COX7B2: variants seen among roughly 807,000 people sequenced by gnomAD.
The protein encoded by COX7B2 is cytochrome c oxidase subunit 7B2, mitochondrial.
For synonymous variants in COX7B2, 37 were observed against 32.1 expected (o/e 1.15, Z -0.51); for missense variants, 109 against 95.9 (o/e 1.14, Z -0.57).
intron 2 of COX7B2, among the ~76,000 whole-genome samples, chr4:46,758,892 A>G (rs1715960698): frequency 6.6e-6 from 1 of 152,178 alleles, no homozygotes. Flanking sequence ...GGCAAAGGGT[A>G]GACCATAAAT....
At chr4:46,769,161 T>C (rs1716727057) in intron 2 of COX7B2, among the ~76,000 whole-genome samples, 1 of 152,038 alleles carries the variant, frequency 6.6e-6, no homozygotes, top group Admixed American at 6.6e-5. Context: ...AGAATGTATG[T>C]CAATCCTTCT....
chr4:46,858,623 A>G (rs1717152464), intron 1 of COX7B2, among the ~76,000 whole-genome samples: 1 of 152,170 alleles, frequency 6.6e-6, no homozygotes, highest in African/African-American at 2.4e-5. Flanking sequence ...TAGAAGGAGC[A>G]CTTAATAATT....
At chr4:46,883,331 T>A (rs540591278) in intron 1 of COX7B2, among the ~76,000 whole-genome samples, 11 of 152,186 alleles carry the variant, frequency 7.2e-5, no homozygotes, top group Non-Finnish European at 1.3e-4. Context: ...TCTGGCTTAA[T>A]TTACATAAAT....
intron 1 of COX7B2, among the ~76,000 whole-genome samples, chr4:46,872,659 C>G (rs1718065801): frequency 6.6e-6 from 1 of 152,114 alleles, no homozygotes; most frequent in South Asian, 2.1e-4. Flanking sequence ...TATTGCATAG[C>G]ATTAAGGAAA....
At chr4:46,881,851 T>C (rs1293358416) in intron 1 of COX7B2, among the ~76,000 whole-genome samples, 2 of 152,140 alleles carry the variant, frequency 1.3e-5, no homozygotes, top group East Asian at 3.8e-4. Flanking sequence ...TGAGGTTTTT[T>C]TCTTGACTCT....
At chr4:46,817,903 T>C (rs1288856786) in intron 2 of COX7B2, among the ~76,000 whole-genome samples, 1 of 152,190 alleles carries the variant, frequency 6.6e-6, no homozygotes, top group Non-Finnish European at 1.5e-5. Context: ...GTATATGAGA[T>C]GTTTGAATAA....
intron 1 of COX7B2, among the ~76,000 whole-genome samples, chr4:46,901,456 C>T (rs1236682053): frequency 6.6e-6 from 1 of 152,152 alleles, no homozygotes; most frequent in East Asian, 1.9e-4. Flanking sequence ...AAGGAGTTGT[C>T]CTAAGATGAG....
chr4:46,839,459 C>T (rs549273028), intron 2 of COX7B2, among the ~76,000 whole-genome samples: 2 of 151,906 alleles, frequency 1.3e-5, no homozygotes, highest in African/African-American at 2.4e-5. Flanking sequence ...GCTCAAAGTC[C>T]CCTAGATTGA....
chr4:46,750,476 G>C (rs1245873218), intron 2 of COX7B2, among the ~76,000 whole-genome samples: 1 of 151,988 alleles, frequency 6.6e-6, no homozygotes, highest in African/African-American at 2.4e-5. Flanking sequence ...CTAGTATCAA[G>C]ACTCTTTATG....
intron 1 of COX7B2, among the ~76,000 whole-genome samples, chr4:46,878,543 C>A (rs1039630080): frequency 2.0e-5 from 3 of 151,722 alleles, no homozygotes; most frequent in South Asian, 4.2e-4. Context: ...TAAATACATA[C>A]AATAACATGT....
At chr4:46,842,949 C>T (rs1184796212) in intron 2 of COX7B2, among the ~76,000 whole-genome samples, 2 of 151,840 alleles carry the variant, frequency 1.3e-5, no homozygotes, top group Non-Finnish European at 2.9e-5. Flanking sequence ...ATGGTATTTC[C>T]AGTTCTAGAT....
chr4:46,748,032 A>T (rs1042631393), intron 2 of COX7B2, among the ~76,000 whole-genome samples: 8 of 152,198 alleles, frequency 5.3e-5, no homozygotes, highest in African/African-American at 1.9e-4. Flanking sequence ...ATTTATATTT[A>T]CTTCAAAGTT....
intron 2 of COX7B2, among the ~76,000 whole-genome samples, chr4:46,752,785 A>G (rs7441113): frequency 0.33 from 49,679 of 151,858 alleles, 8,392 homozygotes; most frequent in South Asian, 0.47. Flanking sequence ...GATCGTGGTC[A>G]ATAAGCTTTT....
chr4:46,851,859 G>A (rs1716712808), intron 1 of COX7B2, among the ~76,000 whole-genome samples: 1 of 152,084 alleles, frequency 6.6e-6, no homozygotes, highest in South Asian at 2.1e-4. Context: ...AGACCAAGGG[G>A]TTCACATATT....
At chr4:46,853,110 T>C (rs988575527) in intron 1 of COX7B2, among the ~76,000 whole-genome samples, 2 of 152,162 alleles carry the variant, frequency 1.3e-5, no homozygotes, top group Admixed American at 1.3e-4. Flanking sequence ...GATTGATTGA[T>C]TGATGAAAAC....
chr4:46,804,875 C>A (rs1226833933), intron 2 of COX7B2, among the ~76,000 whole-genome samples: 1 of 152,212 alleles, frequency 6.6e-6, no homozygotes, highest in Admixed American at 6.5e-5. Context: ...CACCGTGGAG[C>A]AGGGGGCTGT....
intron 1 of COX7B2, among the ~76,000 whole-genome samples, chr4:46,869,839 T>C (rs1375745750): frequency 6.6e-6 from 1 of 152,264 alleles, no homozygotes. Context: ...GAAAATCTGA[T>C]GATTATGTGT....
chr4:46,776,416 GTGTGTGTCTGTGTGTC>G (rs1230654866), intron 2 of COX7B2, among the ~76,000 whole-genome samples: 13 of 151,520 alleles, frequency 8.6e-5, no homozygotes, highest in Non-Finnish European at 1.5e-4. Flanking sequence ...GTGTGTGTGT[GTGTGTGTCTGTGTGTC>G]TGTGTGTCTG....
intron 1 of COX7B2, among the ~76,000 whole-genome samples, chr4:46,878,514 C>T (rs1417655408): frequency 1.3e-5 from 2 of 151,534 alleles, no homozygotes; most frequent in African/African-American, 4.8e-5. Flanking sequence ...CACATATATA[C>T]ACATTACATT....
Sources: gnomAD v4.1 joint callset for allele counts (sites outside exome capture counted in the v4.1 genomes callset) on GRCh38, gnomAD v4.1.1 for gene constraint, MANE v1.5 for transcripts, NCBI Gene and HGNC (gene_info 2026-07-23, HGNC 2026-07-21) for gene names.